ACACA: variants seen among roughly 807,000 people sequenced by gnomAD.
ACACA encodes acetyl-CoA carboxylase alpha, also known as acetyl-CoA carboxylase 1.
In ACACA, 103 loss-of-function variants were observed where a neutral mutation model predicts 296.1. That is an observed-to-expected ratio of 0.35 (90% CI 0.30 to 0.41). The LOEUF (loss-of-function observed/expected upper bound fraction) is 0.41. Ranked by LOEUF, ACACA falls within the 10% of genes least tolerant of loss-of-function variation. The probability of loss-of-function intolerance (pLI) is 1.00; values close to 1 mark genes in which losing one functional copy is unlikely to be tolerated. For synonymous variants in ACACA, 953 were observed against 1,038.6 expected, an observed-to-expected ratio of 0.92 and a Z score of 1.58; for missense variants, 1,554 against 2,989.7, an observed-to-expected ratio of 0.52 and a Z score of 11.20.
At chr17:37,139,755 G>C (rs2075486396) in intron 45 of ACACA, among the ~76,000 whole-genome samples, 1 of 152,170 alleles carries the variant, frequency 6.6e-6, no homozygotes, top group Non-Finnish European at 1.5e-5. Context: ...AGTTTTAACT[G>C]TTTCTCTTGT....
intron 49 of ACACA, 30 bp from the exon 50 acceptor site, chr17:37,121,520 T>A: frequency 6.2e-7 from 1 of 1,613,630 alleles, no homozygotes. Context: ...AAGACACAAT[T>A]AACAACACAG....
chr17:37,134,582 T>C (rs1293140391), intron 45 of ACACA, among the ~76,000 whole-genome samples: 2 of 152,210 alleles, frequency 1.3e-5, no homozygotes, highest in African/African-American at 4.8e-5. Flanking sequence ...TGAAAAATTA[T>C]CATGCATATC....
intron 47 of ACACA, among the ~76,000 whole-genome samples, chr17:37,128,051 A>AAAAAAAAAAAAAAAG (rs2074902982): frequency 6.7e-6 from 1 of 148,278 alleles, no homozygotes. Flanking sequence ...AAAAAAAAAA[A>AAAAAAAAAAAAAAAG]AAACAGTAGG....
intron 1 of ACACA, among the ~76,000 whole-genome samples, chr17:37,395,285 T>C (rs1328573821): frequency 1.3e-5 from 2 of 151,200 alleles, no homozygotes; most frequent in Non-Finnish European, 3.0e-5. Flanking sequence ...AAAAAATTAG[T>C]TGGGCATGGT....
chr17:37,120,549 G>A (rs1358904668), intron 50 of ACACA, among the ~76,000 whole-genome samples: 2 of 152,168 alleles, frequency 1.3e-5, no homozygotes, highest in Admixed American at 6.5e-5. Flanking sequence ...ACAGGCGTGA[G>A]CCACCCCGCC....
At chr17:37,173,996 A>ATTTT (rs2076989200) in intron 41 of ACACA, among the ~76,000 whole-genome samples, 1 of 8,600 alleles carries the variant, frequency 1.2e-4, no homozygotes, top group African/African-American at 9.6e-4. Context: ...ATATATATAT[A>ATTTT]TATATATATA....
chr17:37,228,010 T>C (rs1051838344), intron 25 of ACACA, among the ~76,000 whole-genome samples: 6 of 152,132 alleles, frequency 3.9e-5, no homozygotes, highest in Admixed American at 1.3e-4. Flanking sequence ...TTATCAGCCC[T>C]TTTCTTGAAG....
chr17:37,121,890 C>T (rs1264280670), intron 49 of ACACA, among the ~76,000 whole-genome samples: 2 of 152,170 alleles, frequency 1.3e-5, no homozygotes, highest in South Asian at 2.1e-4. Flanking sequence ...AACAAATAGA[C>T]AATTGACGTC....
At chr17:37,337,428 A>G (rs1161280668) in intron 2 of ACACA, among the ~76,000 whole-genome samples, 2 of 147,064 alleles carry the variant, frequency 1.4e-5, no homozygotes, top group African/African-American at 2.4e-5. Context: ...AAAAAAAAAA[A>G]AAAAGAAAAG....
intron 45 of ACACA, among the ~76,000 whole-genome samples, chr17:37,149,170 G>A (rs759782493): frequency 6.6e-6 from 1 of 152,044 alleles, no homozygotes; most frequent in Non-Finnish European, 1.5e-5. Context: ...TTGTGAAGTT[G>A]GACTAAAAAG....
At chr17:37,260,280 ATATATATATATATATATTTTTTTT>A (rs1271934915) in intron 11 of ACACA, among the ~76,000 whole-genome samples, 26 of 32,412 alleles carry the variant, frequency 8.0e-4, no homozygotes, top group African/African-American at 4.9e-3. Flanking sequence ...ATATATATAT[ATATATATATATATATATTTTTTTT>A]TTTTTTTTTT....
At chr17:37,214,707 G>C (rs1396906671) in intron 29 of ACACA, among the ~76,000 whole-genome samples, 8 of 152,116 alleles carry the variant, frequency 5.3e-5, no homozygotes, top group Non-Finnish European at 2.9e-5. Flanking sequence ...AAAGCACTTT[G>C]GTAAGCACTT....
chr17:37,085,889 GAC>G lies in ACACA; in HGVS notation c.*1425_*1426del. On this transcript the variant is annotated 3_prime_UTR_variant, in exon 56 of 56. Coordinates refer to ENST00000616317, the MANE Select transcript of ACACA (RefSeq NM_198834.3). ...AGTGATTTCCTCCTTGGTCATCAGT[GAC>G]AAATGCAGTTAGCTGCACTAAAGGA... 1 of 398,890 alleles carries G rather than the reference GAC, an allele frequency of 2.5e-6. No homozygotes were observed. Among genetic ancestry groups the G allele is most frequent in the African/African-American group, 2.1e-5 (1 of 48,750 alleles). 24.7% of individuals were successfully genotyped at this position (398,890 alleles called of 1,614,324 possible).
chr17:37,284,723 A>G (rs2082691460), intron 4 of ACACA, 115 bp downstream of exon 4: 1 of 1,389,026 alleles, frequency 7.2e-7, no homozygotes, highest in African/African-American at 1.4e-5. Flanking sequence ...TCACATAAAG[A>G]GGCAAAGCCT....
At chr17:37,268,525 C>T (rs1453417242) in intron 10 of ACACA, among the ~76,000 whole-genome samples, 1 of 151,988 alleles carries the variant, frequency 6.6e-6, no homozygotes, top group Non-Finnish European at 1.5e-5. Context: ...CCCTCTTAGT[C>T]TTTTAAGACT....
chr17:37,320,745 G>C (rs1399063128), intron 3 of ACACA, among the ~76,000 whole-genome samples: 1 of 151,472 alleles, frequency 6.6e-6, no homozygotes, highest in African/African-American at 2.4e-5. Flanking sequence ...TCAGGGGTTC[G>C]AGACCAGCCT....
chr17:37,141,073 T>C (rs1317397411), intron 45 of ACACA: 6 of 431,442 alleles, frequency 1.4e-5, no homozygotes, highest in African/African-American at 1.2e-4. Flanking sequence ...CAGACCAACA[T>C]GGCCATTGTA....
intron 42 of ACACA, among the ~76,000 whole-genome samples, chr17:37,159,330 A>G (rs1473763630): frequency 6.6e-6 from 1 of 151,812 alleles, no homozygotes; most frequent in Admixed American, 6.6e-5. Context: ...AGCAATTCTC[A>G]TGCCTCTCTA....
rs2082626437 is a variant in ACACA at position 37,283,259 on chromosome 17, T to C, written c.610+8A>G. On this transcript the variant is annotated splice_region_variant and intron_variant, in intron 5 of 55. Transcript: ENST00000616317. ...GAGAGTGATGCTTTCATAATGCTAATAACTCACCTGCATTGGCTTTAAGGT... is the reference window on the plus strand; with the variant it reads ...GAGAGTGATGCTTTCATAATGCTAACAACTCACCTGCATTGGCTTTAAGGT... The C allele has an allele frequency of 6.2e-7, 1 of 1,614,142 alleles. No homozygotes were observed. The highest frequency in any genetic ancestry group is 8.5e-7 in the Non-Finnish European group (1 of 1,179,988).
Sources: allele counts gnomAD v4.1 joint callset (sites outside exome capture counted in the v4.1 genomes callset), GRCh38; gene constraint gnomAD v4.1.1; transcripts MANE v1.5; gene names NCBI Gene and HGNC (gene_info 2026-07-23, HGNC 2026-07-21).